TDRD3: variants seen among roughly 807,000 people sequenced by gnomAD.
The protein encoded by TDRD3 is tudor domain containing 3.
TDRD3 carries 45 observed loss-of-function variants against 86.7 expected under a neutral mutation model. The ratio of observed to expected loss-of-function variants is 0.52; its 90% CI spans 0.41 to 0.67. TDRD3 has a LOEUF of 0.67. TDRD3 is among the 30% of genes least tolerant of loss of function. TDRD3 has a pLI of 0.00. For synonymous variants in TDRD3, 298 were observed against 301.7 expected, an observed-to-expected ratio of 0.99 and a Z score of 0.13; for missense variants, 814 against 889.0, an observed-to-expected ratio of 0.92 and a Z score of 1.07.
At chr13:60,536,995 G>A (rs1305715653) in intron 12 of TDRD3, 1 of 151,994 alleles carries the variant, frequency 6.6e-6, no homozygotes, top group Non-Finnish European at 1.5e-5. Context: ...TAGTGATTCT[G>A]TTCTGAACTA....
At chr13:60,568,201 C>T (rs945320766) in intron 13 of TDRD3, among the ~76,000 whole-genome samples, 2 of 152,132 alleles carry the variant, frequency 1.3e-5, no homozygotes, top group African/African-American at 4.8e-5. Flanking sequence ...TGTTCTAACC[C>T]TCAGCTTCTC....
chr13:60,484,207 AAAAT>A lies in TDRD3; in HGVS notation c.567+365_567+368del, dbSNP rs537802388. On this transcript the variant is annotated intron_variant, in intron 6 of 13. Transcript: ENST00000377881. ...ATTAAAAACATTAGAGGGGGAGAGA[AAAAT>A]AAAGCCACACAGAGTGATCAAAGTG... 4.6e-5 allele frequency among the ~76,000 whole-genome samples: 7 copies of A among 152,234 alleles called. No homozygotes were observed. In the South Asian group the frequency reaches 1.4e-3, roughly 32 times the overall value.
At chr13:60,549,575 C>T (rs916996700) in intron 12 of TDRD3, among the ~76,000 whole-genome samples, 4 of 151,976 alleles carry the variant, frequency 2.6e-5, no homozygotes, top group African/African-American at 7.2e-5. Context: ...TTCTAAGACA[C>T]GTGTGTGTGT....
chr13:60,424,971 CTTATTT>C (rs1329645997), intron 1 of TDRD3, among the ~76,000 whole-genome samples: 4 of 152,110 alleles, frequency 2.6e-5, no homozygotes, highest in African/African-American at 9.7e-5. Context: ...CATTCCTTCA[CTTATTT>C]TTATGACAAT....
chr13:60,496,127 C>G (rs897937876), intron 8 of TDRD3, among the ~76,000 whole-genome samples: 2 of 151,106 alleles, frequency 1.3e-5, no homozygotes, highest in Non-Finnish European at 3.0e-5. Flanking sequence ...ACAGACTGGC[C>G]TAGGCTCCCA....
intron 12 of TDRD3, among the ~76,000 whole-genome samples, chr13:60,565,646 A>G (rs947779698): frequency 6.6e-6 from 1 of 152,178 alleles, no homozygotes; most frequent in African/African-American, 2.4e-5. Flanking sequence ...TCTCCAGCCA[A>G]TTCTGCAGCC....
intron 4 of TDRD3, 106 bp downstream of exon 4, chr13:60,460,646 G>T (rs1219455544): frequency 2.0e-6 from 2 of 1,008,832 alleles, no homozygotes; most frequent in East Asian, 3.0e-5. Context: ...TTAATTGTGT[G>T]TTACAGTTTT....
chr13:60,496,188 T>TC (rs1350679284), intron 8 of TDRD3, among the ~76,000 whole-genome samples: 1 of 150,364 alleles, frequency 6.7e-6, no homozygotes, highest in Non-Finnish European at 1.5e-5. Context: ...AACATCAGAC[T>TC]CCAAGTTCTT....
At chr13:60,512,725 C>T (rs59241342) in intron 10 of TDRD3, among the ~76,000 whole-genome samples, 1 of 152,216 alleles carries the variant, frequency 6.6e-6, no homozygotes, top group South Asian at 2.1e-4. Flanking sequence ...TGTCTCACAT[C>T]TAGGTTATAC....
At chr13:60,397,148 C>T (rs976407908), upstream of TDRD3, 4 of 394,938 alleles carry the variant, frequency 1.0e-5, no homozygotes, top group Middle Eastern at 6.5e-4. Context: ...CTGGGAGCCC[C>T]ACACCAGGCC....
chr13:60,398,989 T>C (rs1954021217), intron 1 of TDRD3, among the ~76,000 whole-genome samples: 2 of 152,198 alleles, frequency 1.3e-5, no homozygotes, highest in South Asian at 4.1e-4. Flanking sequence ...ACAAACTCAG[T>C]ATTTTACTGC....
chr13:60,529,214 C>G lies in TDRD3; in HGVS notation c.1989C>G (p.Asn663Lys). 6.3e-7 allele frequency: 1 copy of G among 1,592,162 alleles called. No individual in the cohort carries two copies. Among genetic ancestry groups the G allele is most frequent in the African/African-American group, 1.4e-5 (1 of 73,992 alleles). The part of the protein sequence containing the change: ...DECFALYWED[N>K]KFYRAEVEAL... The stretch of plus-strand genomic sequence containing the variant: ...GTTTTGCACTTTATTGGGAAGACAA[C>G]AAGGTATGGATGCTTTAAAGATATT... The change falls in exon 11 of 14, where the codon AAC becomes AAG. Residue 663 changes from asparagine to lysine, a missense_variant. Physicochemically the swap from Asn to Lys is moderately conservative, Grantham distance 94. Transcript: ENST00000377881.
chr13:60,494,512 A>G lies in TDRD3; in HGVS notation c.795A>G (p.Glu265=), dbSNP rs1192166469. The G allele has an allele frequency of 1.2e-6, 2 of 1,613,824 alleles. No homozygotes were observed. The highest frequency in any genetic ancestry group is 4.5e-5 in the East Asian group (2 of 44,788). The part of the protein sequence containing the change: ...NMNAAGNRNR[E]VLQKEKSTKS... ...ATGCTGCTGGTAACCGAAATAGGGA[A>G]GTTTTACAGAAAGAAAAGTCAACCA... Residue 265 remains glutamate, a synonymous_variant, in exon 8 of 14, where the codon GAA becomes GAG. Transcript: ENST00000377881.
At chr13:60,406,154 G>T (rs900733695) in intron 1 of TDRD3, among the ~76,000 whole-genome samples, 4 of 152,148 alleles carry the variant, frequency 2.6e-5, no homozygotes, top group African/African-American at 9.7e-5. Flanking sequence ...TACCAATCTT[G>T]CACTCAGAAG....
intron 3 of TDRD3, among the ~76,000 whole-genome samples, chr13:60,445,664 A>T (rs1347864631): frequency 6.6e-6 from 1 of 152,176 alleles, no homozygotes; most frequent in African/African-American, 2.4e-5. Context: ...TTGCATTTCG[A>T]ACAGTTTTCC....
At chr13:60,563,892 T>C (rs556169738) in intron 12 of TDRD3, among the ~76,000 whole-genome samples, 2 of 152,336 alleles carry the variant, frequency 1.3e-5, no homozygotes, top group African/African-American at 4.8e-5. Flanking sequence ...TAATGAGAGA[T>C]TGAAGATGAT....
chr13:60,477,597 A>G (rs187236814), intron 5 of TDRD3, among the ~76,000 whole-genome samples: 106 of 152,190 alleles, frequency 7.0e-4, no homozygotes, highest in South Asian at 1.7e-3. Flanking sequence ...GTTGAATTTT[A>G]TTGAAGGCCT....
chr13:60,437,104 T>C (rs538000187), intron 1 of TDRD3, among the ~76,000 whole-genome samples: 2 of 151,564 alleles, frequency 1.3e-5, no homozygotes, highest in Admixed American at 6.6e-5. Flanking sequence ...TCAGCATTAA[T>C]TGTTTGATAA....
At chr13:60,398,499 G>A (rs1330261927) in intron 1 of TDRD3, among the ~76,000 whole-genome samples, 1 of 152,178 alleles carries the variant, frequency 6.6e-6, no homozygotes, top group Non-Finnish European at 1.5e-5. Flanking sequence ...GATCTATATG[G>A]TTCGTGAAAG....
Sources: gnomAD v4.1 joint callset for allele counts (sites outside exome capture counted in the v4.1 genomes callset) on GRCh38, gnomAD v4.1.1 for gene constraint, MANE v1.5 for transcripts, NCBI Gene and HGNC (gene_info 2026-07-23, HGNC 2026-07-21) for gene names.